OR2L5: variants seen among roughly 807,000 people sequenced by gnomAD.
OR2L5 encodes olfactory receptor family 2 subfamily L member 5.
For missense variants in OR2L5, 413 were observed against 381.6 expected (o/e 1.08, Z -0.69); for synonymous variants, 169 against 142.0 (o/e 1.19, Z -1.35).
rs143979766 is a variant in OR2L5, at chr1:248,019,419, C to T, written c.-21-2508C>T. 5.1e-3 allele frequency among the ~76,000 whole-genome samples: 776 copies of T among 152,268 alleles called. 6 individuals carry two copies. Among genetic ancestry groups the T allele is most frequent in the African/African-American group, 0.017 (700 of 41,558 alleles). The stretch of plus-strand genomic sequence containing the variant: ...ATGGGTTTATCAGGATGAAACCCAT[C>T]ATAAATCGAGAAGCCTCTCAATCAT... On this transcript the variant is annotated intron_variant, in intron 1 of 1. Coordinates refer to ENST00000355281, the MANE Select transcript of OR2L5 (RefSeq NM_001258284.2).
intron 1 of OR2L5, among the ~76,000 whole-genome samples, chr1:248,015,276 G>T (rs1472112175): frequency 6.6e-6 from 1 of 152,136 alleles, no homozygotes; most frequent in African/African-American, 2.4e-5. Flanking sequence ...CTTCTTAGGA[G>T]AATCTATTGT....
In OR2L5 at chr1:248,023,540, G is replaced by A. The variant is rs1028592693; in HGVS notation, c.*654G>A. ...CCAGTCACATCACAACACACACAAT[G>A]TTTGTCTCCTGAGTAGCCACGGGTA... On this transcript the variant is annotated 3_prime_UTR_variant, in exon 2 of 2. Coordinates refer to ENST00000355281, the MANE Select transcript of OR2L5 (RefSeq NM_001258284.2). 6.6e-6 allele frequency: 1 copy of A among 152,146 alleles called. No individual in the cohort carries two copies. Among genetic ancestry groups the A allele is most frequent in the African/African-American group, 2.4e-5 (1 of 41,448 alleles). 9.4% of individuals were successfully genotyped at this position (152,146 alleles called of 1,614,324 possible).
At chr1:248,021,871 C>A (rs1662343041) in intron 1 of OR2L5, 56 bp from the exon 2 acceptor site, 3 of 1,192,362 alleles carry the variant, frequency 2.5e-6, no homozygotes, top group Non-Finnish European at 2.4e-6. Flanking sequence ...TGGAATGCAA[C>A]CCCTGCAGAT....
chr1:248,015,154 G>T (rs1662160318), intron 1 of OR2L5, among the ~76,000 whole-genome samples: 1 of 152,138 alleles, frequency 6.6e-6, no homozygotes, highest in Non-Finnish European at 1.5e-5. Context: ...TTAAAGAGTT[G>T]TGGTTCTCCA....
At position 248,015,446 on chromosome 1, in the gene OR2L5, C is replaced by A. The variant is rs557503663; in HGVS notation, c.-22+1708C>A. Among the ~76,000 whole-genome samples the A allele has an allele frequency of 1.1e-4, 16 of 152,238 alleles. No homozygotes were observed. The South Asian group carries it at 3.3e-3, about 32-fold the overall frequency. On this transcript the variant is annotated intron_variant, in intron 1 of 1. Coordinates refer to ENST00000355281, the MANE Select transcript of OR2L5 (RefSeq NM_001258284.2). ...TGAAATAATTCTTACTATAGACATG[C>A]AGATTCAGGTACAGACAGCTTGTTT...
Position 248,022,616 on chromosome 1 carries a change from T to A in OR2L5, c.669T>A (p.Ala223=), listed in dbSNP as rs1662369738. 1 of 1,614,046 alleles carries A rather than the reference T, an allele frequency of 6.2e-7. No individual in the cohort carries two copies. Among genetic ancestry groups the A allele is most frequent in the Non-Finnish European group, 8.5e-7 (1 of 1,180,020 alleles). ...GTTCCTATGGCTGGGTTCTCCTTGC[T>A]GTCTACCGCATGCACTCTGCAGAAG... is the stretch of plus-strand genomic sequence containing the variant. ...IACSYGWVLL[A]VYRMHSAEGR... Residue 223 remains alanine, a synonymous_variant, in exon 2 of 2, where the codon GCT becomes GCA. Transcript: ENST00000355281.
At chr1:248,018,953 T>C (rs1218491227) in intron 1 of OR2L5, among the ~76,000 whole-genome samples, 1 of 152,232 alleles carries the variant, frequency 6.6e-6, no homozygotes, top group Admixed American at 6.5e-5. Context: ...AAAGTTCATC[T>C]ATGTTGTAGC....
At chr1:248,018,936 T>C (rs1266808709) in intron 1 of OR2L5, among the ~76,000 whole-genome samples, 1 of 152,200 alleles carries the variant, frequency 6.6e-6, no homozygotes, top group Non-Finnish European at 1.5e-5. Context: ...CTTTGCATAA[T>C]GTAATCAAAG....
At chr1:248,016,505 A>G (rs2103073469) in intron 1 of OR2L5, among the ~76,000 whole-genome samples, 1 of 152,270 alleles carries the variant, frequency 6.6e-6, no homozygotes, top group Non-Finnish European at 1.5e-5. Context: ...AATTTTAGCC[A>G]TTAAAATAAT....
chr1:248,021,403 A>G (rs1307801895), intron 1 of OR2L5, among the ~76,000 whole-genome samples: 1 of 152,218 alleles, frequency 6.6e-6, no homozygotes, highest in Non-Finnish European at 1.5e-5. Flanking sequence ...TTCTATAAGT[A>G]GTCCCCTCTT....
intron 1 of OR2L5, among the ~76,000 whole-genome samples, chr1:248,018,017 T>C (rs1039903706): frequency 2.6e-5 from 4 of 151,972 alleles, no homozygotes; most frequent in Non-Finnish European, 5.9e-5. Flanking sequence ...TAGCCTGGCG[T>C]GGTGGTGGGC....
intron 1 of OR2L5, among the ~76,000 whole-genome samples, chr1:248,014,826 C>T (rs537176383): frequency 3.8e-4 from 58 of 152,244 alleles, no homozygotes; most frequent in Non-Finnish European, 6.3e-4. Flanking sequence ...GTCAGACATT[C>T]AGCAACAAAA....
intron 1 of OR2L5, among the ~76,000 whole-genome samples, chr1:248,021,609 T>A (rs189451680): frequency 1.3e-5 from 2 of 152,294 alleles, no homozygotes; most frequent in African/African-American, 4.8e-5. Context: ...CATGAAGCAT[T>A]TTGTCATCAC....
chr1:248,017,670 T>G (rs1007950529), intron 1 of OR2L5, among the ~76,000 whole-genome samples: 1 of 152,094 alleles, frequency 6.6e-6, no homozygotes, highest in Non-Finnish European at 1.5e-5. Flanking sequence ...GGGGGTCCAG[T>G]GATTTTCTTC....
At position 248,022,901 on chromosome 1, in the gene OR2L5, T is replaced by A; in HGVS notation, c.*15T>A. The A allele has an allele frequency of 6.3e-7, 1 of 1,587,324 alleles. No homozygotes were observed. Among genetic ancestry groups the A allele is most frequent in the South Asian group, 1.2e-5 (1 of 86,870 alleles). On this transcript the variant is annotated 3_prime_UTR_variant, in exon 2 of 2. Coordinates refer to ENST00000355281, the MANE Select transcript of OR2L5 (RefSeq NM_001258284.2). The stretch of plus-strand genomic sequence containing the variant: ...TGAAAATGTAGACATACGTTCTGTG[T>A]TAGAGTCAAAGCGCTAGGTTCATAT...
At chr1:248,015,080 G>A (rs1662158993) in intron 1 of OR2L5, among the ~76,000 whole-genome samples, 1 of 152,114 alleles carries the variant, frequency 6.6e-6, no homozygotes, top group Non-Finnish European at 1.5e-5. Context: ...ATGGTAGGTT[G>A]TGACTTGGAA....
intron 1 of OR2L5, 110 bp downstream of exon 1, chr1:248,013,848 T>C (rs1391624793): frequency 6.6e-6 from 1 of 152,178 alleles, no homozygotes; most frequent in African/African-American, 2.4e-5. Flanking sequence ...GTTTGAGCAC[T>C]AGTAATTGTA....
chr1:248,015,957 A>G (rs889690010), intron 1 of OR2L5, among the ~76,000 whole-genome samples: 1 of 152,168 alleles, frequency 6.6e-6, no homozygotes, highest in Non-Finnish European at 1.5e-5. Context: ...TCTAGACACA[A>G]GAGAACCATC....
chr1:248,019,860 C>T (rs958641441), intron 1 of OR2L5, among the ~76,000 whole-genome samples: 7 of 152,202 alleles, frequency 4.6e-5, no homozygotes, highest in African/African-American at 1.7e-4. Context: ...AATCTTGGCT[C>T]ACTGCAACCT....
Sources: gnomAD v4.1 joint callset for allele counts (sites outside exome capture counted in the v4.1 genomes callset) on GRCh38, gnomAD v4.1.1 for gene constraint, MANE v1.5 for transcripts, NCBI Gene and HGNC (gene_info 2026-07-23, HGNC 2026-07-21) for gene names.